Variants in HNF1B observed in about 807,000 individuals in gnomAD.
The protein encoded by HNF1B is HNF1 homeobox B.
Under a neutral mutation model 61.7 loss-of-function variants are expected in HNF1B, and 8 were observed. The ratio of observed to expected loss-of-function variants is 0.13; its 90% CI spans 0.08 to 0.23. The LOEUF (loss-of-function observed/expected upper bound fraction) is 0.23, where lower values mean the gene tolerates loss of function less well. Among genes scored for constraint, HNF1B ranks in the 10% least tolerant of loss-of-function variants. The pLI is 1.00. For missense variants in HNF1B, 562 were observed against 714.5 expected, an observed-to-expected ratio of 0.79 and a Z score of 2.43; for synonymous variants, 314 against 287.7, an observed-to-expected ratio of 1.09 and a Z score of -0.93.
At chr17:37,743,481 C>G (rs1394741150) in intron 1 of HNF1B, among the ~76,000 whole-genome samples, 1 of 152,244 alleles carries the variant, frequency 6.6e-6, no homozygotes, top group Admixed American at 6.5e-5. Flanking sequence ...GGGCAAACCG[C>G]CAGGCCCTCG....
At chr17:37,728,066 C>T (rs2033562057) in intron 4 of HNF1B, among the ~76,000 whole-genome samples, 1 of 151,934 alleles carries the variant, frequency 6.6e-6, no homozygotes, top group African/African-American at 2.4e-5. Flanking sequence ...CCCATCTCGG[C>T]TCACTGCAAC....
chr17:37,721,735 T>TA (rs2033324705), intron 4 of HNF1B, among the ~76,000 whole-genome samples: 1 of 146,512 alleles, frequency 6.8e-6, no homozygotes, highest in Admixed American at 6.9e-5. Context: ...TTTTTTTTTT[T>TA]AGAGACAGGG....
intron 8 of HNF1B, among the ~76,000 whole-genome samples, chr17:37,691,850 G>T (rs2032215467): frequency 6.6e-6 from 1 of 152,094 alleles, no homozygotes. Flanking sequence ...TAGCCGAAGG[G>T]GATAGATGAT....
intron 1 of HNF1B, among the ~76,000 whole-genome samples, chr17:37,742,183 G>C (rs1362237877): frequency 6.6e-6 from 1 of 152,242 alleles, no homozygotes; most frequent in African/African-American, 2.4e-5. Context: ...GAGCAGAGAA[G>C]CCTGGACTCC....
chr17:37,719,622 G>C (rs545717940), intron 4 of HNF1B, among the ~76,000 whole-genome samples: 3 of 152,350 alleles, frequency 2.0e-5, no homozygotes, highest in African/African-American at 7.2e-5. Context: ...TAATATGGCT[G>C]CAACAAAGGC....
intron 4 of HNF1B, among the ~76,000 whole-genome samples, chr17:37,721,787 G>T (rs967543131): frequency 6.6e-6 from 1 of 151,644 alleles, no homozygotes; most frequent in African/African-American, 2.4e-5. Flanking sequence ...GGCGCCAATG[G>T]GCACAAAGTG....
chr17:37,737,957 T>C lies in HNF1B; in HGVS notation c.544+1483A>G, dbSNP rs139792252. ...CATCTTGAGAAACTTTCTGGACCTC[T>C]GTCTTTTGAGAAGTTTCCAGTCTGC... On this transcript the variant is annotated intron_variant, in intron 2 of 8. Coordinates refer to ENST00000617811, the MANE Select transcript of HNF1B (RefSeq NM_000458.4). Among the ~76,000 whole-genome samples, 449 of 152,368 alleles carry C rather than the reference T, an allele frequency of 2.9e-3. 2 individuals are homozygous for C. The highest frequency in any genetic ancestry group is 1.0e-2 in the African/African-American group (414 of 41,586).
chr17:37,739,325 A>G, intron 2 of HNF1B, 115 bp downstream of exon 2: 5 of 964,784 alleles, frequency 5.2e-6, no homozygotes, highest in Non-Finnish European at 8.4e-6. Context: ...CACCTTCCTC[A>G]TATCTGCCAA....
chr17:37,718,273 C>A (rs1005330568), intron 4 of HNF1B, among the ~76,000 whole-genome samples: 3 of 152,134 alleles, frequency 2.0e-5, no homozygotes, highest in Admixed American at 2.0e-4. Context: ...TCTGTGTGTC[C>A]TCCCCCACAA....
chr17:37,688,274 G>A (rs964373653), intron 8 of HNF1B, among the ~76,000 whole-genome samples: 9 of 151,842 alleles, frequency 5.9e-5, no homozygotes, highest in Admixed American at 2.0e-4. Context: ...TTTCACTTCT[G>A]GGGAGTCTCT....
At position 37,701,002 on chromosome 17, in the gene HNF1B, A is replaced by C; in HGVS notation, c.1515T>G (p.Thr505=). 1 of 1,557,310 alleles carries C rather than the reference A, an allele frequency of 6.4e-7. No individual in the cohort carries two copies. Among genetic ancestry groups the C allele is most frequent in the Non-Finnish European group, 8.7e-7 (1 of 1,150,178 alleles). ...CCTTACTGTGTGAGTTCTGCAGCTG[A>C]GTCACAGCTGCCATGAAGGGCTGCT... is the stretch of plus-strand genomic sequence containing the variant. ...MAQQPFMAAV[T]QLQNSHMYAH... The change falls in exon 7 of 9, where the codon ACT becomes ACG. Residue 505 remains threonine (T), a synonymous_variant. Coordinates refer to ENST00000617811, the MANE Select transcript of HNF1B (RefSeq NM_000458.4).
chr17:37,691,378 G>A (rs1486249829), intron 8 of HNF1B, among the ~76,000 whole-genome samples: 1 of 152,180 alleles, frequency 6.6e-6, no homozygotes, highest in East Asian at 1.9e-4. Flanking sequence ...GTGGCCTGGA[G>A]AGGTGATAAG....
intron 3 of HNF1B, 38 bp from the exon 4 acceptor site, chr17:37,731,868 G>T: frequency 1.4e-6 from 2 of 1,402,788 alleles, no homozygotes; most frequent in Admixed American, 1.7e-5. Context: ...AGTGAGGGGG[G>T]GCGGGGGGAC....
chr17:37,708,396 C>A (rs1568643827), intron 5 of HNF1B, among the ~76,000 whole-genome samples: 1 of 152,186 alleles, frequency 6.6e-6, no homozygotes, highest in Admixed American at 6.5e-5. Flanking sequence ...TAACACACTG[C>A]CCAGTTAAAG....
chr17:37,695,243 G>A (rs2032345005), intron 8 of HNF1B, among the ~76,000 whole-genome samples: 1 of 152,218 alleles, frequency 6.6e-6, no homozygotes, highest in Non-Finnish European at 1.5e-5. Flanking sequence ...GTACAGCTCA[G>A]ACCACCACTC....
At chr17:37,708,967 C>T (rs527371393) in intron 5 of HNF1B, among the ~76,000 whole-genome samples, 21 of 152,262 alleles carry the variant, frequency 1.4e-4, no homozygotes, top group African/African-American at 4.6e-4. Context: ...ACAGCACACA[C>T]GTCAAGATCT....
chr17:37,731,131 T>G (rs1350871099), intron 4 of HNF1B: 1 of 222,360 alleles, frequency 4.5e-6, no homozygotes, highest in Non-Finnish European at 9.2e-6. Flanking sequence ...CAAAGGCTAC[T>G]GAGCTTCTCC....
chr17:37,733,691 C>T lies in HNF1B; in HGVS notation c.675G>A (p.Glu225=). The T allele has an allele frequency of 6.2e-7, 1 of 1,614,148 alleles. No individual in the cohort carries two copies. The highest frequency in any genetic ancestry group is 8.5e-7 in the Non-Finnish European group (1 of 1,180,034). Residue 225 remains glutamate (E), a synonymous_variant, in exon 3 of 9, where the codon GAG becomes GAA. Coordinates refer to ENST00000617811, the MANE Select transcript of HNF1B (RefSeq NM_000458.4). ...TGCGGCGCATCTTCTTGTTGGTGGG[C>T]TCAGAGCAGGCATCATCGGACTGCC... ...GPGQSDDACS[E]PTNKKMRRNR... is the part of the protein sequence containing the mutation.
chr17:37,729,509 C>T (rs2033618454), intron 4 of HNF1B: 1 of 151,734 alleles, frequency 6.6e-6, no homozygotes. Context: ...ACTGTTGCTC[C>T]AGAAACAGTA....
Sources: gnomAD v4.1 joint callset for allele counts (sites outside exome capture counted in the v4.1 genomes callset) on GRCh38, gnomAD v4.1.1 for gene constraint, MANE v1.5 for transcripts, NCBI Gene and HGNC (gene_info 2026-07-23, HGNC 2026-07-21) for gene names.